The following NOL4L variants were observed in gnomAD, a reference collection of about 807,000 sequenced individuals.
The protein encoded by NOL4L is nucleolar protein 4-like.
NOL4L carries 7 observed loss-of-function variants against 64.5 expected under a neutral mutation model. The observed-to-expected ratio is 0.11, with a 90% CI of 0.06 to 0.20. The LOEUF is 0.20. Among genes scored for constraint, NOL4L ranks in the 10% least tolerant of loss-of-function variants. NOL4L has a pLI of 1.00. For missense variants in NOL4L, 680 were observed against 967.1 expected (o/e 0.70, Z 3.94); for synonymous variants, 413 against 401.0 (o/e 1.03, Z -0.36).
rs1056463105 is a variant in NOL4L, at chr20:32,443,949, T to C, written c.*3647A>G. On this transcript the variant is annotated 3_prime_UTR_variant, in exon 11 of 11. Coordinates refer to ENST00000621426, the MANE Select transcript of NOL4L (RefSeq NM_001256798.2). Reference sequence around the variant, plus strand: ...CCATCTACCAGGTGGAAAGTGTTTTTCAGCCAATCTGAGTTCTACGTGGTA... The same window carrying C: ...CCATCTACCAGGTGGAAAGTGTTTTCCAGCCAATCTGAGTTCTACGTGGTA... 1 of 152,266 alleles carries C rather than the reference T, an allele frequency of 6.6e-6. No homozygotes were observed. Among genetic ancestry groups the C allele is most frequent in the Non-Finnish European group, 1.5e-5 (1 of 68,050 alleles). The allele number at this position is 152,266 out of a possible 1,614,324, so 9.4% of individuals were successfully genotyped here. A position where few individuals can be genotyped will look rare whatever the true frequency, so the allele number is the denominator to read the frequency against.
At chr20:32,514,621 T>A (rs187352730) in intron 3 of NOL4L, among the ~76,000 whole-genome samples, 1 of 152,028 alleles carries the variant, frequency 6.6e-6, no homozygotes, top group African/African-American at 2.4e-5. Context: ...TCTGCACCGA[T>A]ACCAAACTCA....
chr20:32,508,681 C>A (rs1018163293), intron 4 of NOL4L, among the ~76,000 whole-genome samples: 1 of 152,208 alleles, frequency 6.6e-6, no homozygotes, highest in African/African-American at 2.4e-5. Context: ...CCACTGTAAG[C>A]AGAGGCCACC....
chr20:32,581,515 G>A (rs928534984), intron 1 of NOL4L, among the ~76,000 whole-genome samples: 4 of 152,080 alleles, frequency 2.6e-5, no homozygotes, highest in African/African-American at 9.7e-5. Flanking sequence ...CCAGGGTGGG[G>A]GCAGCCAGAG....
intron 1 of NOL4L, among the ~76,000 whole-genome samples, chr20:32,571,406 C>A (rs911214456): frequency 2.6e-5 from 4 of 152,128 alleles, no homozygotes; most frequent in Non-Finnish European, 5.9e-5. Context: ...CAGGTTTCAC[C>A]ATGTTGGCCA....
rs528513616 is a variant in NOL4L, at chr20:32,463,827, C to G, written c.842-7432G>C. ...GCCCACAGCCAGTGGCACCCTCTCC[C>G]GGTGGGCGACTCCCACCAGCTCCCA... On this transcript the variant is annotated intron_variant, in intron 5 of 10. Transcript: ENST00000621426. The surrounding 1 kb of genome is among the most constrained non-coding windows in gnomAD (Gnocchi z 5.8). 6.6e-6 allele frequency among the ~76,000 whole-genome samples: 1 copy of G among 152,194 alleles called. No individual in the cohort carries two copies. The highest frequency in any genetic ancestry group is 1.5e-5 in the Non-Finnish European group (1 of 68,024).
At chr20:32,480,799 G>T (rs293537) in intron 4 of NOL4L, among the ~76,000 whole-genome samples, 28,295 of 152,098 alleles carry the variant, frequency 0.19, 4,976 homozygotes, top group African/African-American at 0.47. Context: ...ACATGAAACA[G>T]GAGGGTGGTC....
chr20:32,474,959 G>A (rs1308889896), intron 4 of NOL4L: 23 of 985,162 alleles, frequency 2.3e-5, no homozygotes, highest in African/African-American at 3.5e-5. Flanking sequence ...GCTAAGGGCC[G>A]GCACTGTCTG....
intron 5 of NOL4L, among the ~76,000 whole-genome samples, chr20:32,473,711 C>T (rs965412897): frequency 6.6e-6 from 1 of 152,206 alleles, no homozygotes; most frequent in African/African-American, 2.4e-5. Context: ...GTTCACATTA[C>T]ACCCCTTTTT....
chr20:32,565,972 C>A (rs541882027), intron 1 of NOL4L, among the ~76,000 whole-genome samples: 1 of 152,234 alleles, frequency 6.6e-6, no homozygotes, highest in Non-Finnish European at 1.5e-5. Flanking sequence ...TGCTTGAGCC[C>A]AGGTCAAGGC....
At chr20:32,475,239 C>T in intron 4 of NOL4L, 1 of 985,482 alleles carries the variant, frequency 1.0e-6, no homozygotes, top group Non-Finnish European at 1.2e-6. Flanking sequence ...GAATTCCTTT[C>T]TCCCACTCCC....
At chr20:32,506,814 C>G (rs1056424516) in intron 4 of NOL4L, among the ~76,000 whole-genome samples, 1 of 152,160 alleles carries the variant, frequency 6.6e-6, no homozygotes, top group African/African-American at 2.4e-5. Flanking sequence ...TCCTCACCTG[C>G]CCTCCAGGAC....
intron 6 of NOL4L, 46 bp downstream of exon 6, chr20:32,456,072 C>T: frequency 6.9e-7 from 1 of 1,452,906 alleles, no homozygotes; most frequent in Non-Finnish European, 9.1e-7. Flanking sequence ...CGCCTCGCGA[C>T]AGCCCTTTAC....
In NOL4L at chr20:32,528,069, G is replaced by A. The variant is rs192590110; in HGVS notation, c.322-156C>T. On this transcript the variant is annotated intron_variant, in intron 1 of 10. Transcript: ENST00000621426. Reference sequence around the variant, plus strand: ...GAGCCTACCGAGGGGGCTCCCTGGAGGGGGACGCCAGAGTCAGGGTGGCTG... The same window carrying A: ...GAGCCTACCGAGGGGGCTCCCTGGAAGGGGACGCCAGAGTCAGGGTGGCTG... 2.1e-3 allele frequency among the ~76,000 whole-genome samples: 327 copies of A among 152,322 alleles called. 2 individuals are homozygous for A. The highest frequency in any genetic ancestry group is 7.5e-3 in the African/African-American group (311 of 41,572).
rs180991520 is a variant in NOL4L at position 32,534,590 on chromosome 20, C to T, written c.322-6677G>A. 5.2e-3 allele frequency among the ~76,000 whole-genome samples: 797 copies of T among 152,324 alleles called. 5 individuals are homozygous for T. Among genetic ancestry groups the T allele is most frequent in the African/African-American group, 0.017 (726 of 41,570 alleles). ...AGTCAGGGCTGGGTGCAATGGCTCA[C>T]GCCTCTAATCCCAGCACTTTGGGAG... On this transcript the variant is annotated intron_variant, in intron 1 of 10. Coordinates refer to ENST00000621426, the MANE Select transcript of NOL4L (RefSeq NM_001256798.2).
At chr20:32,526,937 C>T (rs915332838) in intron 2 of NOL4L, among the ~76,000 whole-genome samples, 1 of 152,172 alleles carries the variant, frequency 6.6e-6, no homozygotes, top group African/African-American at 2.4e-5. Context: ...CACAGGCAGG[C>T]CCCTCTGCAG....
chr20:32,473,661 T>C (rs1342728659), intron 5 of NOL4L, among the ~76,000 whole-genome samples: 1 of 152,174 alleles, frequency 6.6e-6, no homozygotes, highest in African/African-American at 2.4e-5. Flanking sequence ...GCAAGGCTCC[T>C]ACCCCTTATT....
chr20:32,453,973 G>GAGGTC lies in NOL4L; in HGVS notation c.1120-213_1120-212insGACCT. ...GCAATGCTACCACCTCCCTCCCTGG[G>GAGGTC]CTGCCGCAGGGAGGACCGACTGCAA... On this transcript the variant is annotated intron_variant, in intron 6 of 10. Coordinates refer to ENST00000621426, the MANE Select transcript of NOL4L (RefSeq NM_001256798.2). The surrounding 1 kb of genome is among the most constrained non-coding windows in gnomAD (Gnocchi z 5.6). 1.7e-6 allele frequency: 1 copy of GAGGTC among 586,996 alleles called. No homozygotes were observed. Among genetic ancestry groups the GAGGTC allele is most frequent in the Middle Eastern group, 4.6e-4 (1 of 2,192 alleles). 36.4% of individuals were successfully genotyped at this position (586,996 alleles called of 1,614,324 possible). A position where few individuals can be genotyped will look rare whatever the true frequency, so the allele number is the denominator to read the frequency against.
In NOL4L at chr20:32,450,753, C is replaced by T. The variant is rs2012810463; in HGVS notation, c.1822+1483G>A. ...CAGGCCCCAGACCACCCTCACCTCA[C>T]CTGCTGAGCCCCAGACCCCCATGTG... On this transcript the variant is annotated intron_variant, in intron 10 of 10. Transcript: ENST00000621426. 2.0e-5 allele frequency among the ~76,000 whole-genome samples: 3 copies of T among 152,270 alleles called. No individual in the cohort carries two copies. The South Asian group carries it at 6.2e-4, about 32-fold the overall frequency.
chr20:32,491,286 A>G lies in NOL4L; in HGVS notation c.700-16544T>C, dbSNP rs35715266. Among the ~76,000 whole-genome samples the G allele has an allele frequency of 6.4e-3, 979 of 152,302 alleles. 7 individuals are homozygous for G. Among genetic ancestry groups the G allele is most frequent in the Non-Finnish European group, 0.011 (721 of 68,024 alleles). The stretch of plus-strand genomic sequence containing the variant: ...CCCCAGGGTGTGAGAAGGAAGTAGC[A>G]GATCTGGGAGGGCTCCACTGAGGAG... On this transcript the variant is annotated intron_variant, in intron 4 of 10. Transcript: ENST00000621426.
Sources: allele counts gnomAD v4.1 joint callset (sites outside exome capture counted in the v4.1 genomes callset), GRCh38; gene constraint gnomAD v4.1.1; non-coding constraint Gnocchi (gnomAD v3.1); transcripts MANE v1.5; gene names NCBI Gene and HGNC (gene_info 2026-07-23, HGNC 2026-07-21).